MZT2A: variants seen among roughly 807,000 people sequenced by gnomAD.
MZT2A encodes mitotic spindle organizing protein 2A.
MZT2A carries 8 observed loss-of-function variants against 12.4 expected under a neutral mutation model. That is an observed-to-expected ratio of 0.64 (90% CI 0.38 to 1.16). The LOEUF is 1.16. Among genes scored for constraint, MZT2A ranks in the 50% most tolerant of loss-of-function variants. The pLI is 0.01. For missense variants in MZT2A, 181 were observed against 223.6 expected, an observed-to-expected ratio of 0.81 and a Z score of 1.22; for synonymous variants, 88 against 107.5, an observed-to-expected ratio of 0.82 and a Z score of 1.12.
chr2:131,476,712 T>A (rs1189360497), intron 2 of MZT2A, among the ~76,000 whole-genome samples: 2 of 151,954 alleles, frequency 1.3e-5, no homozygotes, highest in Non-Finnish European at 2.9e-5. Flanking sequence ...GGCGGGCGGA[T>A]CACCTGATGT....
At chr2:131,475,999 C>G in intron 2 of MZT2A, 1 of 955,720 alleles carries the variant, frequency 1.0e-6, no homozygotes. Context: ...GTCCCCAGTA[C>G]ACATGTTGAG....
chr2:131,472,008 A>C (rs1457471432), intron 3 of MZT2A: 1 of 1,259,228 alleles, frequency 7.9e-7, no homozygotes, highest in Non-Finnish European at 1.0e-6. Flanking sequence ...GTATGAACAG[A>C]ATCTTACAAA....
intron 2 of MZT2A, chr2:131,478,448 C>T: frequency 1.4e-6 from 2 of 1,449,892 alleles, no homozygotes; most frequent in Non-Finnish European, 9.3e-7. Flanking sequence ...TGGTAAAGCC[C>T]CGTGTGGGCT....
At chr2:131,480,754 G>A (rs1212842625), downstream of MZT2A, 16 of 1,606,920 alleles carry the variant, frequency 1.0e-5, no homozygotes, top group Non-Finnish European at 1.1e-5. Context: ...TTTAAGGTAT[G>A]ACTGGGTGAT....
chr2:131,476,591 T>C (rs1218883023), intron 2 of MZT2A, among the ~76,000 whole-genome samples: 2 of 152,086 alleles, frequency 1.3e-5, no homozygotes, highest in African/African-American at 4.8e-5. Context: ...ATTGATCAGA[T>C]GAGGAATTAA....
intron 2 of MZT2A, among the ~76,000 whole-genome samples, chr2:131,474,394 G>GTCT (rs1210898913): frequency 5.9e-5 from 8 of 134,476 alleles, no homozygotes; most frequent in East Asian, 5.1e-4. Context: ...ACCGCGCCCA[G>GTCT]TCTTCTTCTT....
upstream of MZT2A, chr2:131,492,915 T>G: frequency 6.6e-7 from 1 of 1,515,148 alleles, no homozygotes; most frequent in Non-Finnish European, 8.9e-7. Context: ...TAAGGACCAC[T>G]CCCTCCCCCC....
chr2:131,490,281 C>T (rs746406379), intron 2 of MZT2A: 31 of 1,003,920 alleles, frequency 3.1e-5, no homozygotes, highest in Non-Finnish European at 3.5e-5. Flanking sequence ...TGTGGCACTG[C>T]CTGGCAGACT....
chr2:131,480,424 T>C, downstream of MZT2A: 2 of 1,588,696 alleles, frequency 1.3e-6, no homozygotes, highest in Non-Finnish European at 1.7e-6. Context: ...TCCCTGCGAT[T>C]TGATGGGGCC....
intron 2 of MZT2A, chr2:131,490,090 G>T: frequency 1.3e-6 from 1 of 793,896 alleles, no homozygotes; most frequent in Non-Finnish European, 1.5e-6. Flanking sequence ...CCTGAGCTCT[G>T]GGTGGCAGTG....
intron 2 of MZT2A, 74 bp from the exon 3 acceptor site, chr2:131,484,292 C>T: frequency 3.8e-6 from 6 of 1,575,150 alleles, no homozygotes; most frequent in South Asian, 2.3e-5. Flanking sequence ...ACTCGTGCTC[C>T]TTGGGCAACA....
In MZT2A at chr2:131,483,994, T is replaced by C. The variant is rs1274074789; in HGVS notation, c.*67A>G. 16 of 1,535,550 alleles carry C rather than the reference T, an allele frequency of 1.0e-5. No homozygotes were observed. In the Admixed American group the frequency reaches 1.6e-4, roughly 16 times the overall value. Reference sequence around the variant, plus strand: ...CCCTCTGCATCTCAGAAAGGTTTATTATCAACTGAAGGAGGTAACATGTAG... The same window carrying C: ...CCCTCTGCATCTCAGAAAGGTTTATCATCAACTGAAGGAGGTAACATGTAG... On this transcript the variant is annotated 3_prime_UTR_variant, in exon 3 of 3. Coordinates refer to ENST00000309451, the MANE Select transcript of MZT2A (RefSeq NM_001085365.2).
At chr2:131,477,990 A>G (rs1678731175) in intron 2 of MZT2A, among the ~76,000 whole-genome samples, 1 of 152,322 alleles carries the variant, frequency 6.6e-6, no homozygotes, top group South Asian at 2.1e-4. Flanking sequence ...GGTTTACAGC[A>G]ATTAGTTTTC....
intron 2 of MZT2A, chr2:131,490,499 G>A (rs1573875891): frequency 4.2e-6 from 6 of 1,423,752 alleles, no homozygotes; most frequent in East Asian, 2.6e-5. Flanking sequence ...TCCTGTCCCC[G>A]GATGCCAGCC....
chr2:131,492,482 G>A (rs988716973), upstream of MZT2A: 4 of 1,130,432 alleles, frequency 3.5e-6, no homozygotes, highest in African/African-American at 6.6e-5. Context: ...GGGCTGCCCT[G>A]GCGGGAGCGG....
chr2:131,480,615 C>T (rs373541855), downstream of MZT2A: 24 of 1,613,534 alleles, frequency 1.5e-5, no homozygotes, highest in Admixed American at 3.3e-5. Context: ...GTGTGACCCT[C>T]GCCACGGCAA....
At chr2:131,471,667 C>G (rs1407210331) in intron 3 of MZT2A, among the ~76,000 whole-genome samples, 1 of 150,656 alleles carries the variant, frequency 6.6e-6, no homozygotes, top group African/African-American at 2.5e-5. Flanking sequence ...GAGAGAAGGA[C>G]GAGGTCACTG....
At chr2:131,480,134 T>C (rs756078214), downstream of MZT2A, 4 of 1,613,740 alleles carry the variant, frequency 2.5e-6, no homozygotes, top group South Asian at 4.4e-5. Flanking sequence ...GCACTGGCTC[T>C]GGGTTCGCAT....
At chr2:131,478,575 G>A (rs1678750019) in intron 2 of MZT2A, 1 of 1,095,830 alleles carries the variant, frequency 9.1e-7, no homozygotes. Flanking sequence ...TCCTAATTTA[G>A]GAAAACCTGA....
Sources: gnomAD v4.1 joint callset for allele counts (sites outside exome capture counted in the v4.1 genomes callset) on GRCh38, gnomAD v4.1.1 for gene constraint, MANE v1.5 for transcripts, NCBI Gene and HGNC (gene_info 2026-07-23, HGNC 2026-07-21) for gene names.